TBC1D25: variants seen among roughly 807,000 people sequenced by gnomAD.
The protein encoded by TBC1D25 is 5SN3 snoRNA.
Under a neutral mutation model 38.8 loss-of-function variants are expected in TBC1D25, and 13 were observed. That is an observed-to-expected ratio of 0.34 (90% CI 0.22 to 0.53). The LOEUF (loss-of-function observed/expected upper bound fraction) is 0.53. Ranked by LOEUF, TBC1D25 falls within the 20% of genes least tolerant of loss-of-function variation. TBC1D25 has a pLI of 0.94. For synonymous variants in TBC1D25, 225 were observed against 255.6 expected, an observed-to-expected ratio of 0.88 and a Z score of 1.14; for missense variants, 372 against 600.0, an observed-to-expected ratio of 0.62 and a Z score of 3.97.
intron 5 of TBC1D25, 55 bp from the exon 6 acceptor site, chrX:48,559,559 T>C (rs919718637): frequency 8.5e-6 from 10 of 1,171,508 alleles, no homozygotes; most frequent in African/African-American, 1.8e-5. Context: ...CTGATAGACA[T>C]TGGGGTATGG....
Position 48,539,909 on chromosome X carries a change from G to C in TBC1D25, c.112G>C (p.Val38Leu), listed in dbSNP as rs1211292674. ...GGAGGAGGAGCGAGAGGTGGTGCGG[G>C]TCCGAGTCAAGGTGAGGCTGGCGGT... ...AEEEEREVVRVRVKKCESFLP... is the reference protein window; with the variant it reads ...AEEEEREVVRLRVKKCESFLP... Residue 38 changes from valine to leucine, a missense_variant, in exon 1 of 6, where the codon GTC (valine) becomes CTC (leucine). Val to Leu is a conservative substitution (Grantham distance 32). This residue lies in a region of TBC1D25 where 60 missense variants were observed against 50.7 expected (regional missense o/e 1.18). Coordinates refer to ENST00000376771, the MANE Select transcript of TBC1D25 (RefSeq NM_002536.4). 1 of 955,587 alleles carries C rather than the reference G, an allele frequency of 1.0e-6. No homozygotes were observed. Among genetic ancestry groups the C allele is most frequent in the African/African-American group, 2.0e-5 (1 of 48,834 alleles). The allele number at this position is 955,587 out of a possible 1,213,427, so 78.8% of individuals were successfully genotyped here.
intron 2 of TBC1D25, among the ~76,000 whole-genome samples, chrX:48,544,263 G>GT (rs2061865533): frequency 9.1e-6 from 1 of 109,297 alleles, no homozygotes; most frequent in Non-Finnish European, 1.9e-5. Flanking sequence ...TTTTTATGTA[G>GT]TAAGAAGGCT....
chrX:48,559,386 C>CA, intron 5 of TBC1D25, 40 bp downstream of exon 5: 1 of 1,168,041 alleles, frequency 8.6e-7, no homozygotes, highest in African/African-American at 1.8e-5. Flanking sequence ...ATCACTGCTG[C>CA]ACTCATTAAC....
Position 48,558,847 on chromosome X carries a change from G to A in TBC1D25, c.389-50G>A, listed in dbSNP as rs782422113. 5.0e-6 allele frequency: 6 copies of A among 1,201,860 alleles called. No individual in the cohort carries two copies. The African/African-American group carries it at 7.0e-5, about 14-fold the overall frequency. On this transcript the variant is annotated intron_variant, in intron 3 of 5. Coordinates refer to ENST00000376771, the MANE Select transcript of TBC1D25 (RefSeq NM_002536.4). ...TAGAAGGAGAGGAAGCCGGCCCTGA[G>A]GTCTGGGTTATCATCCCCATTCTTA...
chrX:48,550,699 G>A (rs2061924627), intron 3 of TBC1D25, among the ~76,000 whole-genome samples: 1 of 104,904 alleles, frequency 9.5e-6, no homozygotes, highest in African/African-American at 3.5e-5. Context: ...TTGCTCTGTC[G>A]CCCAGGCTGG....
At chrX:48,543,526 C>A (rs1472259966) in intron 2 of TBC1D25, among the ~76,000 whole-genome samples, 1 of 106,225 alleles carries the variant, frequency 9.4e-6, no homozygotes, top group Non-Finnish European at 1.9e-5. Context: ...TGAGCCACCG[C>A]ACCTGGCCTG....
At chrX:48,550,609 T>C (rs782202394) in intron 3 of TBC1D25, among the ~76,000 whole-genome samples, 1 of 108,707 alleles carries the variant, frequency 9.2e-6, no homozygotes, top group East Asian at 2.9e-4. Context: ...CCCTAGTAGC[T>C]GGGACTACAG....
intron 3 of TBC1D25, among the ~76,000 whole-genome samples, chrX:48,553,770 G>A (rs921236429): frequency 3.7e-5 from 4 of 107,534 alleles, no homozygotes; most frequent in Non-Finnish European, 7.7e-5. Flanking sequence ...ACAGGTGTGC[G>A]CCACCATGCC....
chrX:48,550,024 T>C (rs2061916982), intron 3 of TBC1D25, among the ~76,000 whole-genome samples: 1 of 110,407 alleles, frequency 9.1e-6, no homozygotes, highest in African/African-American at 3.3e-5. Flanking sequence ...TTTACTCTTA[T>C]CGCCCAGGCA....
At chrX:48,554,953 T>C (rs2061964057) in intron 3 of TBC1D25, among the ~76,000 whole-genome samples, 1 of 111,746 alleles carries the variant, frequency 8.9e-6, no homozygotes, top group African/African-American at 3.3e-5. Context: ...TTGGGAGAGA[T>C]TGGAGAGGAA....
chrX:48,540,790 G>A (rs140377168), intron 1 of TBC1D25, among the ~76,000 whole-genome samples: 283 of 112,215 alleles, frequency 2.5e-3, no homozygotes, highest in African/African-American at 8.3e-3. Flanking sequence ...GAGCTCTAAG[G>A]TAGAAGTTTG....
intron 3 of TBC1D25, among the ~76,000 whole-genome samples, chrX:48,551,900 G>A (rs1233530738): frequency 4.5e-5 from 5 of 111,073 alleles, no homozygotes; most frequent in African/African-American, 1.6e-4. Context: ...GATTACAGAC[G>A]TGAGCCACCG....
chrX:48,546,241 C>T (rs1470137103), intron 3 of TBC1D25, among the ~76,000 whole-genome samples: 2 of 95,324 alleles, frequency 2.1e-5, no homozygotes, highest in Admixed American at 2.5e-4. Context: ...AGGCTGAGCA[C>T]GGTGGCTCAC....
chrX:48,541,829 C>T (rs2061840926), intron 2 of TBC1D25, among the ~76,000 whole-genome samples: 1 of 111,227 alleles, frequency 9.0e-6, no homozygotes, highest in African/African-American at 3.3e-5. Context: ...AAGTGCCCAG[C>T]GATTCTGCTT....
intron 5 of TBC1D25, 59 bp from the exon 6 acceptor site, chrX:48,559,555 G>A: frequency 8.5e-7 from 1 of 1,170,588 alleles, no homozygotes; most frequent in South Asian, 2.0e-5. Flanking sequence ...GCAACTGATA[G>A]ACATTGGGGT....
chrX:48,558,984 C>T lies in TBC1D25; in HGVS notation c.476C>T (p.Thr159Met), dbSNP rs781783909. ...VLLAEKRSSL[T>M]TAALPFTQSI... is the part of the protein sequence containing the mutation. ...CTGGCTGAGAAACGGTCATCACTGA[C>T]GACTGCCGCCCTGCCCTTTACACAG... Residue 159 changes from threonine (T) to methionine (M), a missense_variant, in exon 4 of 6, where the codon ACG becomes ATG. Thr to Met is a moderately conservative substitution (Grantham distance 81, BLOSUM62 -1). Transcript: ENST00000376771. 2 of 1,211,649 alleles carry T rather than the reference C, an allele frequency of 1.7e-6. No homozygotes were observed. Among genetic ancestry groups the T allele is most frequent in the Admixed American group, 2.2e-5 (1 of 45,980 alleles).
intron 3 of TBC1D25, among the ~76,000 whole-genome samples, chrX:48,553,578 G>GT: frequency 1.0e-5 from 1 of 97,232 alleles, no homozygotes; most frequent in South Asian, 4.9e-4. Context: ...GTAAGCAGCC[G>GT]TTTTTTGTCT....
Position 48,559,315 on chromosome X carries a change from A to G in TBC1D25, c.674A>G (p.Tyr225Cys). 8.3e-7 allele frequency: 1 copy of G among 1,210,318 alleles called. No individual in the cohort carries two copies. The highest frequency in any genetic ancestry group is 1.1e-6 in the Non-Finnish European group (1 of 894,820). ...CCCGAGGAGTTGCGCCTGCGGATCT[A>G]TCATGGCGGTGTGGAGCCCTCGCTG... is the stretch of plus-strand genomic sequence containing the variant. ...SRPEELRLRI[Y>C]HGGVEPSLRK... Residue 225 changes from tyrosine to cysteine, a missense_variant, in exon 5 of 6, where the codon TAT becomes TGT. Physicochemically the swap from Tyr to Cys is radical, Grantham distance 194. This residue lies in a region of TBC1D25 where 312 missense variants were observed against 549.3 expected (regional missense o/e 0.57). Coordinates refer to ENST00000376771, the MANE Select transcript of TBC1D25 (RefSeq NM_002536.4).
intron 3 of TBC1D25, among the ~76,000 whole-genome samples, chrX:48,554,604 G>C (rs2061962237): frequency 9.3e-6 from 1 of 107,434 alleles, no homozygotes; most frequent in Non-Finnish European, 1.9e-5. Context: ...GGGGCCTGTT[G>C]TGTGTTGTTA....
Sources: gnomAD v4.1 joint callset for allele counts (sites outside exome capture counted in the v4.1 genomes callset) on GRCh38, gnomAD v4.1.1 for gene constraint, gnomAD v4.1.1 regional missense constraint, MANE v1.5 for transcripts, NCBI Gene and HGNC (gene_info 2026-07-23, HGNC 2026-07-21) for gene names.